Variants in EXOC3L1 observed in about 807,000 individuals in gnomAD.
The protein encoded by EXOC3L1 is exocyst complex component 3-like protein.
EXOC3L1 carries 79 observed loss-of-function variants against 83.6 expected under a neutral mutation model. The observed-to-expected ratio is 0.95, with a 90% CI of 0.79 to 1.14. The LOEUF (loss-of-function observed/expected upper bound fraction) is 1.14, where lower values mean the gene tolerates loss of function less well. Among genes scored for constraint, EXOC3L1 ranks in the 50% most tolerant of loss-of-function variants. EXOC3L1 has a pLI of 0.00. For synonymous variants in EXOC3L1, 433 were observed against 451.2 expected, an observed-to-expected ratio of 0.96 and a Z score of 0.51; for missense variants, 945 against 972.0, an observed-to-expected ratio of 0.97 and a Z score of 0.37.
At position 67,185,030 on chromosome 16, in the gene EXOC3L1, C is replaced by T. The variant is rs768257010; in HGVS notation, c.1777G>A (p.Val593Met). The T allele has an allele frequency of 2.0e-5, 32 of 1,608,756 alleles. No individual in the cohort carries two copies. In the South Asian group the frequency reaches 3.5e-4, roughly 18 times the overall value. The change falls in exon 12 of 14, where the codon GTG (valine) becomes ATG (methionine). Residue 593 changes from valine to methionine, a missense_variant. Physicochemically the swap from Val to Met is conservative, Grantham distance 21. Transcript: ENST00000314586. Reference protein sequence around the residue: ...QLLLAEAERAVVLQYLSALMQ... With the variant: ...QLLLAEAERAMVLQYLSALMQ... ...AGCGCGCTCAGGTACTGGAGCACCACGGCACGCTCGGCCTCAGCCAGCAGC... is the reference window on the plus strand; with the variant it reads ...AGCGCGCTCAGGTACTGGAGCACCATGGCACGCTCGGCCTCAGCCAGCAGC...
intron 9 of EXOC3L1, among the ~76,000 whole-genome samples, chr16:67,185,850 G>T (rs1186725348): frequency 1.3e-5 from 2 of 152,146 alleles, no homozygotes; most frequent in Non-Finnish European, 1.5e-5. Context: ...CACCCAAGAG[G>T]AAGGGAGTGT....
chr16:67,185,907 G>T (rs2032702329), intron 9 of EXOC3L1, among the ~76,000 whole-genome samples: 1 of 152,178 alleles, frequency 6.6e-6, no homozygotes. Flanking sequence ...AGACATTACT[G>T]GCACAGAGTA....
rs761035743 is a variant in EXOC3L1, at chr16:67,189,067, G to A, written c.160C>T (p.Arg54Cys). ...CAGGTACGCTGCACCTCGCGGCTGC[G>A]GTACTGGCCTAGCCTGGCCAGCTGC... ...PEQLARLGQY[R>C]SREVQRTCSL... Residue 54 changes from arginine to cysteine, a missense_variant, in exon 3 of 14, where the codon CGC becomes TGC. Arg to Cys is a radical substitution (Grantham distance 180). Coordinates refer to ENST00000314586, the MANE Select transcript of EXOC3L1 (RefSeq NM_178516.4). 1.0e-4 allele frequency: 162 copies of A among 1,607,104 alleles called. No individual in the cohort carries two copies. Among genetic ancestry groups the A allele is most frequent in the Non-Finnish European group, 7.3e-5 (86 of 1,177,872 alleles).
rs201873002 is a variant in EXOC3L1 at position 67,187,333 on chromosome 16, G to T, written c.932C>A (p.Thr311Lys). Residue 311 changes from threonine to lysine, a missense_variant, in exon 5 of 14, where the codon ACG becomes AAG. By Grantham distance (78) the Thr-to-Lys change is moderately conservative. Transcript: ENST00000314586. ...QYNVVQLWAH[T>K]LHSGLRRSLQ... ...GCTGCGGCGCAAACCACTATGCAGC[G>T]TGTGGGCCCATAGCTGGACCACGTT... is the stretch of plus-strand genomic sequence containing the variant. 6.2e-7 allele frequency: 1 copy of T among 1,612,950 alleles called. No homozygotes were observed. The highest frequency in any genetic ancestry group is 2.2e-5 in the East Asian group (1 of 44,886).
chr16:67,188,662 G>A, intron 4 of EXOC3L1, 59 bp downstream of exon 4: 1 of 1,502,276 alleles, frequency 6.7e-7, no homozygotes. Context: ...CCTTGATTAG[G>A]GATGGGTGTT....
chr16:67,187,678 T>C lies in EXOC3L1; in HGVS notation c.587A>G (p.Glu196Gly), dbSNP rs769348827. Residue 196 changes from glutamate (E) to glycine (G), a missense_variant, in exon 5 of 14, where the codon GAG becomes GGG. Coordinates refer to ENST00000314586, the MANE Select transcript of EXOC3L1 (RefSeq NM_178516.4). ...TGCTTCCACAGCCTGGCCCAGTGCC[T>C]CGAACAGAAGGTCCAGCCCCTGGAA... ...PVFQGLDLLFEALGQAVEAAA... is the reference protein window; with the variant it reads ...PVFQGLDLLFGALGQAVEAAA... 5.0e-6 allele frequency: 8 copies of C among 1,612,762 alleles called. No homozygotes were observed. The Admixed American group carries it at 1.3e-4, about 27-fold the overall frequency.
intron 10 of EXOC3L1, 38 bp from the exon 11 acceptor site, chr16:67,185,296 C>T (rs1222298345): frequency 1.9e-6 from 3 of 1,613,060 alleles, no homozygotes; most frequent in Non-Finnish European, 2.5e-6. Context: ...GCCGCGGAGA[C>T]CCCCATACGT....
intron 13 of EXOC3L1, 40 bp downstream of exon 13, chr16:67,184,646 G>C (rs1271856145): frequency 6.3e-7 from 1 of 1,580,930 alleles, no homozygotes; most frequent in East Asian, 2.3e-5. Flanking sequence ...CGTCCTCCCC[G>C]CCCTCCGGCT....
In EXOC3L1 at chr16:67,189,643, C is replaced by T. The variant is rs746827674; in HGVS notation, c.34G>A (p.Ala12Thr). The T allele has an allele frequency of 1.9e-6, 3 of 1,614,012 alleles. No homozygotes were observed. The highest frequency in any genetic ancestry group is 1.3e-5 in the African/African-American group (1 of 74,938). ...AAAAGGTTCATACCAGGGGACAACG[C>T]CGGCTGCATCTCATCCTTGGCTGCT... ...DSAAKDEMQP[A>T]LSPGPEWPEQ... The change falls in exon 2 of 14, where the codon GCG becomes ACG. Residue 12 changes from alanine (A) to threonine (T), a missense_variant. Coordinates refer to ENST00000314586, the MANE Select transcript of EXOC3L1 (RefSeq NM_178516.4).
Position 67,184,942 on chromosome 16 carries a change from C to T in EXOC3L1, c.1865G>A (p.Arg622Gln), listed in dbSNP as rs1385465923. The T allele has an allele frequency of 1.9e-6, 3 of 1,611,534 alleles. No homozygotes were observed. Among genetic ancestry groups the T allele is most frequent in the Non-Finnish European group, 1.7e-6 (2 of 1,179,486 alleles). Reference sequence around the variant, plus strand: ...CTGCTGAAGCTGGGCAGCATCGTGCCGCAGGCGCTCGGCCGCCTGGGTCCT... The same window carrying T: ...CTGCTGAAGCTGGGCAGCATCGTGCTGCAGGCGCTCGGCCGCCTGGGTCCT... ...DERTQAAERL[R>Q]HDAAQLQQLF... Residue 622 changes from arginine (R) to glutamine (Q), a missense_variant, in exon 12 of 14, where the codon CGG (arginine) becomes CAG (glutamine). Coordinates refer to ENST00000314586, the MANE Select transcript of EXOC3L1 (RefSeq NM_178516.4).
chr16:67,185,334 C>T, intron 10 of EXOC3L1, 27 bp downstream of exon 10: 1 of 1,612,972 alleles, frequency 6.2e-7, no homozygotes, highest in Non-Finnish European at 8.5e-7. Context: ...TCCACCTGCT[C>T]CCATCCTGAC....
Position 67,189,174 on chromosome 16 carries a change from T to C in EXOC3L1, c.53A>G (p.Glu18Gly). 1 of 1,597,666 alleles carries C rather than the reference T, an allele frequency of 6.3e-7. No individual in the cohort carries two copies. The highest frequency in any genetic ancestry group is 8.5e-7 in the Non-Finnish European group (1 of 1,173,324). Residue 18 changes from glutamate to glycine, a missense_variant, in exon 3 of 14, where the codon GAG becomes GGG. Physicochemically the swap from Glu to Gly is moderately conservative, Grantham distance 98. Coordinates refer to ENST00000314586, the MANE Select transcript of EXOC3L1 (RefSeq NM_178516.4). ...CTCTGCCCGCTCCTGCTCTGGCCAC[T>C]CAGGTCCTGGGAAGGAAGAGCCTGG... is the stretch of plus-strand genomic sequence containing the variant. ...EMQPALSPGP[E>G]WPEQERAEQL...
rs1198409622 is a variant in EXOC3L1, at chr16:67,186,296, T to G, written c.1437A>C (p.Ser479=). The G allele has an allele frequency of 7.0e-6, 11 of 1,576,380 alleles. No homozygotes were observed. The highest frequency in any genetic ancestry group is 4.7e-5 in the East Asian group (2 of 42,798). ...RFSRDHFRGK[S]MAPHYVPYLL... ...GGTAGGGCACGTAATGAGGGGCCAT[T>G]GATTTCCCCCTGAAGTGGTCTCGGG... The change falls in exon 9 of 14, where the codon TCA becomes TCC. Residue 479 remains serine (S), a synonymous_variant. Coordinates refer to ENST00000314586, the MANE Select transcript of EXOC3L1 (RefSeq NM_178516.4).
chr16:67,185,019 C>G lies in EXOC3L1; in HGVS notation c.1788G>C (p.Gln596His), dbSNP rs996521015. 1.2e-6 allele frequency: 2 copies of G among 1,609,678 alleles called. No individual in the cohort carries two copies. The highest frequency in any genetic ancestry group is 1.7e-5 in the Admixed American group (1 of 59,834). The stretch of plus-strand genomic sequence containing the variant: ...GGCCTTGCATCAGCGCGCTCAGGTA[C>G]TGGAGCACCACGGCACGCTCGGCCT... ...LAEAERAVVLQYLSALMQGRL... is the reference protein window; with the variant it reads ...LAEAERAVVLHYLSALMQGRL... Residue 596 changes from glutamine to histidine, a missense_variant, in exon 12 of 14, where the codon CAG becomes CAC. Transcript: ENST00000314586.
At position 67,184,715 on chromosome 16, in the gene EXOC3L1, AG is replaced by A. The variant is rs1010593199; in HGVS notation, c.2000del (p.Ala667ValfsTer10). On this transcript the variant is annotated frameshift_variant, in exon 13 of 14. Transcript: ENST00000314586. LOFTEE classifies it high-confidence loss of function. ...RDPALLGLEV[A>X]GLRQQFPDVS... The stretch of plus-strand genomic sequence containing the variant: ...CGTCGGGAAATTGTTGCCGCAGGCC[AG>A]CCACCTCCAGGCCCAGCAGCGCGGG... 3 of 1,579,926 alleles carry A rather than the reference AG, an allele frequency of 1.9e-6. No homozygotes were observed. The African/African-American group carries it at 4.0e-5, about 21-fold the overall frequency.
rs201772212 is a variant in EXOC3L1, at chr16:67,187,584, C to G, written c.681G>C (p.Ala227=). 3.2e-5 allele frequency: 51 copies of G among 1,606,178 alleles called. No homozygotes were observed. The East Asian group carries it at 1.1e-3, about 35-fold the overall frequency. ...GGGTTGTTCGTCCAGTCTCCACCTCCGCCACACGCACAGCAGCCACCAACA... is the reference window on the plus strand; with the variant it reads ...GGGTTGTTCGTCCAGTCTCCACCTCGGCCACACGCACAGCAGCCACCAACA... ...PALLVAAVRV[A]EVETGRTTPL... Residue 227 remains alanine (A), a synonymous_variant, in exon 5 of 14, where the codon GCG becomes GCC. Coordinates refer to ENST00000314586, the MANE Select transcript of EXOC3L1 (RefSeq NM_178516.4).
intron 9 of EXOC3L1, 65 bp downstream of exon 9, chr16:67,186,172 C>T: frequency 8.8e-7 from 1 of 1,141,392 alleles, no homozygotes; most frequent in Non-Finnish European, 1.3e-6. Flanking sequence ...TGGGCTGAGC[C>T]CATACATAAT....
intron 4 of EXOC3L1, 66 bp downstream of exon 4, chr16:67,188,655 T>G: frequency 4.2e-6 from 6 of 1,433,676 alleles, no homozygotes; most frequent in Non-Finnish European, 5.8e-6. Flanking sequence ...CCCAGCCCCT[T>G]GATTAGGGAT....
At position 67,184,790 on chromosome 16, in the gene EXOC3L1, G is replaced by A. The variant is rs2032637067; in HGVS notation, c.1926C>T (p.His642=). 6.2e-7 allele frequency: 1 copy of A among 1,600,830 alleles called. No homozygotes were observed. Among genetic ancestry groups the A allele is most frequent in the South Asian group, 1.1e-5 (1 of 90,964 alleles). ...TCAGGGCGAGCAGCACCGGCGCGCA[G>A]TGCGCGTTCTCCTCCAGGCCCTGAG... ...FLSLGLEENA[H]CAPVLLALRE... The change falls in exon 13 of 14, where the codon CAC becomes CAT. Residue 642 remains histidine (H), a synonymous_variant. Transcript: ENST00000314586.
Sources: gnomAD v4.1 joint callset for allele counts (sites outside exome capture counted in the v4.1 genomes callset) on GRCh38, gnomAD v4.1.1 for gene constraint, MANE v1.5 for transcripts, NCBI Gene and HGNC (gene_info 2026-07-23, HGNC 2026-07-21) for gene names.